The following HOXC10 variants were observed in gnomAD, a reference collection of about 807,000 sequenced individuals.
The protein encoded by HOXC10 is homeobox C10, also known as homeobox protein Hox-C10.
Under a neutral mutation model 26.0 loss-of-function variants are expected in HOXC10, and 15 were observed. The ratio of observed to expected loss-of-function variants is 0.58; its 90% CI spans 0.39 to 0.89. The LOEUF (loss-of-function observed/expected upper bound fraction) is 0.89, where lower values mean the gene tolerates loss of function less well. HOXC10 is among the 40% of genes least tolerant of loss of function. The probability of loss-of-function intolerance (pLI) is 0.00; values close to 1 mark genes in which losing one functional copy is unlikely to be tolerated. For missense variants in HOXC10, 446 were observed against 451.9 expected, an observed-to-expected ratio of 0.99 and a Z score of 0.12; for synonymous variants, 196 against 185.5, an observed-to-expected ratio of 1.06 and a Z score of -0.46.
At chr12:53,989,048 G>A (rs112671098) in intron 1 of HOXC10, 121 bp from the exon 2 acceptor site, 10 of 805,716 alleles carry the variant, frequency 1.2e-5, no homozygotes, top group Non-Finnish European at 1.9e-5. Context: ...CCAGGCCCCT[G>A]GGGCAAGAGC....
chr12:53,989,087 A>G, intron 1 of HOXC10, 82 bp from the exon 2 acceptor site: 1 of 1,331,612 alleles, frequency 7.5e-7, no homozygotes. Flanking sequence ...CAGCCACCCC[A>G]CAGCAGGCTG....
chr12:53,985,643 C>T lies in HOXC10; in HGVS notation c.384C>T (p.Leu128=), dbSNP rs142714177. The T allele has an allele frequency of 4.0e-4, 645 of 1,613,738 alleles. No homozygotes were observed. Among genetic ancestry groups the T allele is most frequent in the Non-Finnish European group, 4.8e-4 (567 of 1,179,948 alleles). Residue 128 remains leucine, a synonymous_variant, in exon 1 of 2, where the codon CTC becomes CTT. Transcript: ENST00000303460. ...KRAKSGPEAA[L]YSHPLPESCL... ...CGAAAAGTGGCCCCGAGGCAGCTCT[C>T]TACTCCCACCCCTTGCCGGAGTCCT...
rs1049587152 is a variant in HOXC10 at position 53,985,170 on chromosome 12, C to T, written c.-90C>T. 9.0e-6 allele frequency: 8 copies of T among 887,932 alleles called. No individual in the cohort carries two copies. The highest frequency in any genetic ancestry group is 1.2e-5 in the Non-Finnish European group (8 of 657,554). 55.0% of individuals were successfully genotyped at this position (887,932 alleles called of 1,614,324 possible). A position where few individuals can be genotyped will look rare whatever the true frequency, so the allele number is the denominator to read the frequency against. Reference sequence around the variant, plus strand: ...TCCCCTTCTTTTTCCTCCCTCCCCTCCAACCGCGCCCCCCCTCCCGGATGG... The same window carrying T: ...TCCCCTTCTTTTTCCTCCCTCCCCTTCAACCGCGCCCCCCCTCCCGGATGG... On this transcript the variant is annotated 5_prime_UTR_variant, in exon 1 of 2. Transcript: ENST00000303460.
At chr12:53,988,139 C>A (rs921750468) in intron 1 of HOXC10, among the ~76,000 whole-genome samples, 1 of 152,132 alleles carries the variant, frequency 6.6e-6, no homozygotes, top group Admixed American at 6.5e-5. Context: ...CTGTTTTTTG[C>A]CCTTAAAAAG....
At position 53,985,284 on chromosome 12, in the gene HOXC10, C is replaced by T; in HGVS notation, c.25C>T (p.Pro9Ser). 6.3e-7 allele frequency: 1 copy of T among 1,576,002 alleles called. No homozygotes were observed. Among genetic ancestry groups the T allele is most frequent in the African/African-American group, 1.4e-5 (1 of 73,396 alleles). Residue 9 changes from proline to serine, a missense_variant, in exon 1 of 2, where the codon CCG becomes TCG. By Grantham distance (74) the Pro-to-Ser change is moderately conservative (BLOSUM62 -1). Transcript: ENST00000303460. ...AATGACATGCCCTCGCAATGTAACT[C>T]CGAACTCGTACGCGGAGCCCTTGGC... is the stretch of plus-strand genomic sequence containing the variant. MTCPRNVT[P>S]NSYAEPLAAP...
At position 53,987,754 on chromosome 12, in the gene HOXC10, A is replaced by C. The variant is rs556949771; in HGVS notation, c.752-1415A>C. On this transcript the variant is annotated intron_variant, in intron 1 of 1. Transcript: ENST00000303460. ...CTCCTCCTGTTTTGATGTCTCCACC[A>C]GGCCAGAGGCAAGAGAGCTTTTGAT... Among the ~76,000 whole-genome samples, 3 of 152,168 alleles carry C rather than the reference A, an allele frequency of 2.0e-5. No homozygotes were observed. In the East Asian group the frequency reaches 5.8e-4, roughly 29 times the overall value.
chr12:53,985,430 C>G lies in HOXC10; in HGVS notation c.171C>G (p.Asp57Glu). Reference protein sequence around the residue: ...CGLAPSLSKRDEGSSPSLALN... With the variant: ...CGLAPSLSKREEGSSPSLALN... ...TCGCGCCCTCGCTCTCCAAGAGGGA[C>G]GAGGGCAGCAGCCCCAGCCTCGCCC... The change falls in exon 1 of 2, where the codon GAC becomes GAG. Residue 57 changes from aspartate to glutamate, a missense_variant. Coordinates refer to ENST00000303460, the MANE Select transcript of HOXC10 (RefSeq NM_017409.4). 6.2e-7 allele frequency: 1 copy of G among 1,612,242 alleles called. No homozygotes were observed. Among genetic ancestry groups the G allele is most frequent in the Non-Finnish European group, 8.5e-7 (1 of 1,179,666 alleles).
At chr12:53,986,217 G>A (rs1326108979) in intron 1 of HOXC10, 4 of 590,540 alleles carry the variant, frequency 6.8e-6, no homozygotes, top group Non-Finnish European at 1.1e-5. Flanking sequence ...TGGAGGTGTC[G>A]GCCCTGCCCC....
At chr12:53,988,117 G>T (rs940645385) in intron 1 of HOXC10, among the ~76,000 whole-genome samples, 7 of 152,174 alleles carry the variant, frequency 4.6e-5, no homozygotes, top group Admixed American at 1.3e-4. Flanking sequence ...TGTCCTCTCA[G>T]GTCTTTGGAC....
At position 53,985,855 on chromosome 12, in the gene HOXC10, C is replaced by G; in HGVS notation, c.596C>G (p.Pro199Arg). 3.1e-6 allele frequency: 5 copies of G among 1,613,818 alleles called. No individual in the cohort carries two copies. Among genetic ancestry groups the G allele is most frequent in the Non-Finnish European group, 4.2e-6 (5 of 1,180,032 alleles). The change falls in exon 1 of 2, where the codon CCT (proline) becomes CGT (arginine). Residue 199 changes from proline to arginine, a missense_variant. Physicochemically the swap from Pro to Arg is moderately radical, Grantham distance 103 (BLOSUM62 -2). Coordinates refer to ENST00000303460, the MANE Select transcript of HOXC10 (RefSeq NM_017409.4). Reference sequence around the variant, plus strand: ...CAGCTGGGGGGCAAAGTGAGTTTCCCTGAGACCCCCAAGTCCGACAGCCAG... The same window carrying G: ...CAGCTGGGGGGCAAAGTGAGTTTCCGTGAGACCCCCAAGTCCGACAGCCAG... Reference protein sequence around the residue: ...SPQLGGKVSFPETPKSDSQTP... With the variant: ...SPQLGGKVSFRETPKSDSQTP...
chr12:53,989,406 A>C lies in HOXC10; in HGVS notation c.989A>C (p.Asn330Thr). 6.2e-7 allele frequency: 1 copy of C among 1,614,040 alleles called. No homozygotes were observed. Among genetic ancestry groups the C allele is most frequent in the Non-Finnish European group, 8.5e-7 (1 of 1,179,998 alleles). Residue 330 changes from asparagine to threonine, a missense_variant, in exon 2 of 2, where the codon AAT (asparagine) becomes ACT (threonine). Coordinates refer to ENST00000303460, the MANE Select transcript of HOXC10 (RefSeq NM_017409.4). ...AAACTCAAGAAAATGAACCGAGAGA[A>C]TCGGATCCGGGAACTGACCTCCAAT... ...RMKLKKMNRENRIRELTSNFN... is the reference protein window; with the variant it reads ...RMKLKKMNRETRIRELTSNFN...
chr12:53,986,646 G>C (rs2136384459), intron 1 of HOXC10: 1 of 152,410 alleles, frequency 6.6e-6, no homozygotes, highest in African/African-American at 2.4e-5. Context: ...TCCTCCAGAT[G>C]CCTGGCTTGG....
At position 53,985,685 on chromosome 12, in the gene HOXC10, G is replaced by T. The variant is rs139588733; in HGVS notation, c.426G>T (p.Glu142Asp). Reference sequence around the variant, plus strand: ...CGGAGTCCTGCCTTGGGGAGCACGAGGTACCCGTGCCCAGCTACTACCGCG... The same window carrying T: ...CGGAGTCCTGCCTTGGGGAGCACGATGTACCCGTGCCCAGCTACTACCGCG... ...PLPESCLGEH[E>D]VPVPSYYRAS... Residue 142 changes from glutamate to aspartate, a missense_variant, in exon 1 of 2, where the codon GAG becomes GAT. Physicochemically the swap from Glu to Asp is conservative, Grantham distance 45. Transcript: ENST00000303460. The T allele has an allele frequency of 4.9e-4, 796 of 1,611,150 alleles. 1 individual carries two copies. The highest frequency in any genetic ancestry group is 6.4e-4 in the Non-Finnish European group (753 of 1,177,898).
At chr12:53,986,227 C>A in intron 1 of HOXC10, 1 of 550,286 alleles carries the variant, frequency 1.8e-6, no homozygotes, top group Non-Finnish European at 3.1e-6. Flanking sequence ...GGCCCTGCCC[C>A]GGCCATGGGT....
At chr12:53,988,299 A>G (rs1323362733) in intron 1 of HOXC10, among the ~76,000 whole-genome samples, 1 of 152,158 alleles carries the variant, frequency 6.6e-6, no homozygotes, top group Non-Finnish European at 1.5e-5. Context: ...GTACATATCT[A>G]TGTGTGTGTA....
Position 53,985,174 on chromosome 12 carries a change from C to T in HOXC10, c.-86C>T. 1.9e-6 allele frequency: 2 copies of T among 1,029,834 alleles called. No individual in the cohort carries two copies. Among genetic ancestry groups the T allele is most frequent in the Non-Finnish European group, 1.3e-6 (1 of 774,400 alleles). The allele number at this position is 1,029,834 out of a possible 1,614,324, so 63.8% of individuals were successfully genotyped here. A position where few individuals can be genotyped will look rare whatever the true frequency, so the allele number is the denominator to read the frequency against. On this transcript the variant is annotated 5_prime_UTR_variant, in exon 1 of 2. Transcript: ENST00000303460. The stretch of plus-strand genomic sequence containing the variant: ...CTTCTTTTTCCTCCCTCCCCTCCAA[C>T]CGCGCCCCCCCTCCCGGATGGGGAA...
rs1299134428 is a variant in HOXC10 at position 53,985,978 on chromosome 12, C to G, written c.719C>G (p.Ser240Cys). ...SEKERAKAADSSPDTSDNEAK... is the reference protein window; with the variant it reads ...SEKERAKAADCSPDTSDNEAK... ...AAGGAGAGGGCCAAAGCTGCCGACT[C>G]CAGCCCAGACACCTCGGATAACGAA... Residue 240 changes from serine (S) to cysteine (C), a missense_variant, in exon 1 of 2, where the codon TCC becomes TGC. Ser to Cys is a moderately radical substitution (Grantham distance 112, BLOSUM62 -1). Coordinates refer to ENST00000303460, the MANE Select transcript of HOXC10 (RefSeq NM_017409.4). 6.3e-7 allele frequency: 1 copy of G among 1,586,204 alleles called. No homozygotes were observed. The highest frequency in any genetic ancestry group is 8.6e-7 in the Non-Finnish European group (1 of 1,166,416).
Position 53,985,292 on chromosome 12 carries a change from G to T in HOXC10, c.33G>T (p.Ser11=). 5 of 1,582,104 alleles carry T rather than the reference G, an allele frequency of 3.2e-6. No individual in the cohort carries two copies. The highest frequency in any genetic ancestry group is 4.3e-6 in the Non-Finnish European group (5 of 1,164,816). MTCPRNVTPN[S]YAEPLAAPGG... ...GCCCTCGCAATGTAACTCCGAACTC[G>T]TACGCGGAGCCCTTGGCTGCGCCCG... The change falls in exon 1 of 2, where the codon TCG becomes TCT. Residue 11 remains serine, a synonymous_variant. Coordinates refer to ENST00000303460, the MANE Select transcript of HOXC10 (RefSeq NM_017409.4).
chr12:53,989,425 C>T lies in HOXC10; in HGVS notation c.1008C>T (p.Thr336=). 2 of 1,613,276 alleles carry T rather than the reference C, an allele frequency of 1.2e-6. No homozygotes were observed. Among genetic ancestry groups the T allele is most frequent in the South Asian group, 2.2e-5 (2 of 90,876 alleles). Residue 336 remains threonine (T), a synonymous_variant, in exon 2 of 2, where the codon ACC becomes ACT. Transcript: ENST00000303460. ...MNRENRIREL[T]SNFNFT ...GAGAGAATCGGATCCGGGAACTGAC[C>T]TCCAATTTTAATTTCACCTGAGAGC...
Sources: allele counts gnomAD v4.1 joint callset (sites outside exome capture counted in the v4.1 genomes callset), GRCh38; gene constraint gnomAD v4.1.1; transcripts MANE v1.5; gene names NCBI Gene and HGNC (gene_info 2026-07-23, HGNC 2026-07-21).